The following EPHA6 variants were observed in gnomAD, a reference collection of about 807,000 sequenced individuals.
EPHA6 encodes the protein EPH receptor A6.
Under a neutral mutation model 112.0 loss-of-function variants are expected in EPHA6, and 50 were observed. The observed-to-expected ratio is 0.45, with a 90% CI of 0.36 to 0.56. EPHA6 has a LOEUF of 0.56. Ranked by LOEUF, EPHA6 falls within the 20% of genes least tolerant of loss-of-function variation. The pLI, the probability that EPHA6 is intolerant of heterozygous loss-of-function variation, is 0.00. For missense variants in EPHA6, 1,280 were observed against 1,417.4 expected, an observed-to-expected ratio of 0.90 and a Z score of 1.56; for synonymous variants, 529 against 490.7, an observed-to-expected ratio of 1.08 and a Z score of -1.03.
chr3:97,413,081 TA>T (rs1284698529), intron 6 of EPHA6, among the ~76,000 whole-genome samples: 3 of 151,956 alleles, frequency 2.0e-5, no homozygotes, highest in Non-Finnish European at 4.4e-5. Context: ...ATTTCTGTTG[TA>T]GTTTGGTGAA....
At position 97,453,833 on chromosome 3, in the gene EPHA6, C is replaced by T. The variant is rs540599378; in HGVS notation, c.1894+5103C>T. On this transcript the variant is annotated intron_variant, in intron 7 of 17. Coordinates refer to ENST00000389672, the MANE Select transcript of EPHA6 (RefSeq NM_001080448.3). The stretch of plus-strand genomic sequence containing the variant: ...AAAAATAAGATGCAAGATTATGTTT[C>T]GGTTTCTTCCTCCCAATACATTTTT... Among the ~76,000 whole-genome samples the T allele has an allele frequency of 9.4e-4, 142 of 151,704 alleles. 1 individual carries two copies. The highest frequency in any genetic ancestry group is 3.7e-3 in the South Asian group (18 of 4,822).
intron 7 of EPHA6, among the ~76,000 whole-genome samples, chr3:97,463,553 T>C (rs984342810): frequency 1.1e-4 from 17 of 152,192 alleles, no homozygotes; most frequent in Admixed American, 1.0e-3. Context: ...AAAGTTATCA[T>C]ACGCTCATGA....
At chr3:97,497,905 T>G (rs970790236) in intron 10 of EPHA6, among the ~76,000 whole-genome samples, 3 of 151,920 alleles carry the variant, frequency 2.0e-5, no homozygotes, top group Admixed American at 6.6e-5. Flanking sequence ...GAGGAAGGAT[T>G]TAGATAAGCA....
intron 2 of EPHA6, among the ~76,000 whole-genome samples, chr3:96,906,377 C>A (rs1468980102): frequency 6.6e-6 from 1 of 151,948 alleles, no homozygotes; most frequent in Non-Finnish European, 1.5e-5. Flanking sequence ...AGGCTTTTGT[C>A]TTCCCTGGTT....
chr3:96,853,012 G>A (rs1459016084), intron 1 of EPHA6, among the ~76,000 whole-genome samples: 2 of 152,120 alleles, frequency 1.3e-5, no homozygotes, highest in Admixed American at 1.3e-4. Flanking sequence ...CCTATGTCTT[G>A]TTCATGTCAT....
intron 10 of EPHA6, among the ~76,000 whole-genome samples, chr3:97,513,591 C>A (rs1181819070): frequency 6.6e-6 from 1 of 150,618 alleles, no homozygotes; most frequent in Non-Finnish European, 1.5e-5. Flanking sequence ...ACACATACCA[C>A]ATGATCTCAC....
chr3:97,405,150 C>T lies in EPHA6; in HGVS notation c.1607C>T (p.Ala536Val). 6.3e-7 allele frequency: 1 copy of T among 1,591,702 alleles called. No individual in the cohort carries two copies. Residue 536 changes from alanine to valine, a missense_variant and splice_region_variant, in exon 6 of 18, where the codon GCA becomes GTA. Around this residue, in one of 4 missense-constraint regions of EPHA6, gnomAD observed 878 missense variants for 999.7 expected, o/e 0.88. Coordinates refer to ENST00000389672, the MANE Select transcript of EPHA6 (RefSeq NM_001080448.3). Reference sequence around the variant, plus strand: ...TCTTAGTTATTTTCTTTCCTTTCAGCACCTTCCCTGATAGGTGTGGTAAGG... The same window carrying T: ...TCTTAGTTATTTTCTTTCCTTTCAGTACCTTCCCTGATAGGTGTGGTAAGG... ...TAITVTTDQD[A>V]PSLIGVVRKD...
intron 3 of EPHA6, among the ~76,000 whole-genome samples, chr3:97,058,593 T>C (rs1253919420): frequency 6.6e-6 from 1 of 152,190 alleles, no homozygotes; most frequent in Non-Finnish European, 1.5e-5. Context: ...TGAGCCACCA[T>C]GCCCGGCCTG....
intron 3 of EPHA6, among the ~76,000 whole-genome samples, chr3:97,074,629 A>C (rs148952020): frequency 6.6e-6 from 1 of 152,010 alleles, no homozygotes; most frequent in Non-Finnish European, 1.5e-5. Flanking sequence ...TTAATTTTAT[A>C]CATAAAATTT....
intron 10 of EPHA6, among the ~76,000 whole-genome samples, chr3:97,529,682 G>A (rs1269721119): frequency 6.6e-6 from 1 of 151,846 alleles, no homozygotes; most frequent in Non-Finnish European, 1.5e-5. Flanking sequence ...CAAGCCTACT[G>A]TAGATAACAG....
intron 11 of EPHA6, among the ~76,000 whole-genome samples, chr3:97,564,686 A>G (rs1188575497): frequency 6.6e-6 from 1 of 152,152 alleles, no homozygotes; most frequent in Non-Finnish European, 1.5e-5. Flanking sequence ...GATTGTATAC[A>G]TGGGAAAAGA....
At chr3:97,706,445 A>G (rs1170782710) in intron 14 of EPHA6, among the ~76,000 whole-genome samples, 4 of 152,214 alleles carry the variant, frequency 2.6e-5, no homozygotes, top group Non-Finnish European at 5.9e-5. Flanking sequence ...TAGTGATGGT[A>G]ACATTGTGAA....
intron 1 of EPHA6, among the ~76,000 whole-genome samples, chr3:96,826,125 A>G (rs1161674050): frequency 6.6e-6 from 1 of 151,888 alleles, no homozygotes; most frequent in Non-Finnish European, 1.5e-5. Flanking sequence ...TCTAGCATAT[A>G]GTTATTTATT....
intron 2 of EPHA6, among the ~76,000 whole-genome samples, chr3:96,969,773 G>A (rs115638602): frequency 0.011 from 1,697 of 151,950 alleles, 17 homozygotes; most frequent in Non-Finnish European, 0.018. Flanking sequence ...TAAAAATCTA[G>A]TATACATTGA....
chr3:97,456,222 A>G (rs949148621), intron 7 of EPHA6, among the ~76,000 whole-genome samples: 2 of 152,138 alleles, frequency 1.3e-5, no homozygotes, highest in Admixed American at 6.5e-5. Flanking sequence ...AGTTTTTACA[A>G]GATCAGGGAA....
chr3:97,618,163 G>T (rs1045103401), intron 13 of EPHA6, among the ~76,000 whole-genome samples: 1 of 152,108 alleles, frequency 6.6e-6, no homozygotes, highest in African/African-American at 2.4e-5. Flanking sequence ...TGTATAACCT[G>T]CTCCTGAATG....
intron 3 of EPHA6, among the ~76,000 whole-genome samples, chr3:97,173,909 T>A (rs898636267): frequency 6.6e-6 from 1 of 151,846 alleles, no homozygotes; most frequent in Non-Finnish European, 1.5e-5. Context: ...TTATTTATTT[T>A]AAAATATTCA....
intron 3 of EPHA6, among the ~76,000 whole-genome samples, chr3:97,202,806 GAAT>G (rs1177466199): frequency 5.3e-5 from 8 of 152,222 alleles, no homozygotes; most frequent in African/African-American, 1.9e-4. Flanking sequence ...TCATAAATAA[GAAT>G]AATGTTTTCT....
At position 97,753,223 on chromosome 3, in the gene EPHA6, C is replaced by T. The variant is rs560872002; in HGVS notation, c.*4522C>T. Among the ~76,000 whole-genome samples the T allele has an allele frequency of 6.4e-4, 97 of 152,150 alleles. 2 individuals are homozygous for T. The South Asian group carries it at 0.018, about 29-fold the overall frequency. Reference sequence around the variant, plus strand: ...TGCACAAAATTTTACTACAAAGATACGTTTGGCTGTGCTGTCATTGCTTTC... The same window carrying T: ...TGCACAAAATTTTACTACAAAGATATGTTTGGCTGTGCTGTCATTGCTTTC... On this transcript the variant is annotated 3_prime_UTR_variant, in exon 18 of 18. Transcript: ENST00000389672.
Sources: gnomAD v4.1 joint callset for allele counts (sites outside exome capture counted in the v4.1 genomes callset) on GRCh38, gnomAD v4.1.1 for gene constraint, gnomAD v4.1.1 regional missense constraint, MANE v1.5 for transcripts, NCBI Gene and HGNC (gene_info 2026-07-23, HGNC 2026-07-21) for gene names.